ZNF483: variants seen among roughly 807,000 people sequenced by gnomAD.
ZNF483 encodes the protein zinc finger protein 483.
Under a neutral mutation model 28.6 loss-of-function variants are expected in ZNF483, and 9 were observed. The observed-to-expected ratio is 0.32, with a 90% CI of 0.19 to 0.55. The LOEUF is 0.55. Ranked by LOEUF, ZNF483 falls within the 20% of genes least tolerant of loss-of-function variation. ZNF483 has a pLI of 0.93. For synonymous variants in ZNF483, 322 were observed against 306.2 expected (o/e 1.05, Z -0.54); for missense variants, 675 against 871.7 (o/e 0.77, Z 2.84).
At chr9:111,560,972 TATAGAGAGAGAGAGAG>T (rs1484814679) in intron 5 of ZNF483, among the ~76,000 whole-genome samples, 1 of 21,320 alleles carries the variant, frequency 4.7e-5, no homozygotes, top group Non-Finnish European at 8.5e-5. Flanking sequence ...TATATATATA[TATAGAGAGAGAGAGAG>T]AGAGAGAGAG....
chr9:111,568,023 G>A (rs1190093985), intron 5 of ZNF483, among the ~76,000 whole-genome samples: 2 of 152,152 alleles, frequency 1.3e-5, no homozygotes, highest in Admixed American at 1.3e-4. Context: ...TGTGTTAACT[G>A]TACAAATTGA....
At position 111,554,554 on chromosome 9, in the gene ZNF483, G is replaced by A. The variant is rs1828065629; in HGVS notation, c.*11384G>A. On this transcript the variant is annotated 3_prime_UTR_variant, in exon 6 of 6. Coordinates refer to ENST00000309235, the MANE Select transcript of ZNF483 (RefSeq NM_133464.5). ...GCAACCTCAGATAGTACCAAACCCT[G>A]TATGTTCTATGTTTTGTCAGTCTGA... Among the ~76,000 whole-genome samples, 1 of 152,084 alleles carries A rather than the reference G, an allele frequency of 6.6e-6. No individual in the cohort carries two copies. Among genetic ancestry groups the A allele is most frequent in the African/African-American group, 2.4e-5 (1 of 41,408 alleles).
At chr9:111,574,734 C>G in intron 5 of ZNF483, 4 of 1,609,668 alleles carry the variant, frequency 2.5e-6, no homozygotes, top group Non-Finnish European at 3.4e-6. Flanking sequence ...TGCTCATTAC[C>G]TGGGGGAAGT....
rs1827715298 is a variant in ZNF483, at chr9:111,543,215, A to G, written c.*45A>G. The G allele has an allele frequency of 1.3e-6, 2 of 1,542,020 alleles. No homozygotes were observed. The highest frequency in any genetic ancestry group is 1.7e-6 in the Non-Finnish European group (2 of 1,148,188). ...TGGGGGGAATTTAATTCAAATTGTC[A>G]GTTACTGAAACCCTGGGATGTAAAC... is the stretch of plus-strand genomic sequence containing the variant. On this transcript the variant is annotated 3_prime_UTR_variant, in exon 6 of 6. Coordinates refer to ENST00000309235, the MANE Select transcript of ZNF483 (RefSeq NM_133464.5).
intron 2 of ZNF483, 145 bp downstream of exon 2, chr9:111,527,952 G>T: frequency 6.5e-7 from 1 of 1,538,888 alleles, no homozygotes; most frequent in Non-Finnish European, 8.8e-7. Flanking sequence ...GCCATTTACT[G>T]TGTGATTTTG....
At position 111,543,416 on chromosome 9, in the gene ZNF483, A is replaced by G; in HGVS notation, c.*246A>G. 1 of 1,243,182 alleles carries G rather than the reference A, an allele frequency of 8.0e-7. No individual in the cohort carries two copies. Among genetic ancestry groups the G allele is most frequent in the Non-Finnish European group, 1.0e-6 (1 of 990,958 alleles). 77.0% of individuals were successfully genotyped at this position (1,243,182 alleles called of 1,614,324 possible). On this transcript the variant is annotated 3_prime_UTR_variant, in exon 6 of 6. Coordinates refer to ENST00000309235, the MANE Select transcript of ZNF483 (RefSeq NM_133464.5). ...TGATTCTGAGGCCAGACGAATTGGA[A>G]AAGCTCTTTTCTTCAGGGGATTTCT... is the stretch of plus-strand genomic sequence containing the variant.
chr9:111,553,909 G>T lies in ZNF483; in HGVS notation c.*10739G>T, dbSNP rs1424355013. ...AGTTTATTCCCCAGGGGTCTTTCCA[G>T]CATTTTGTTGCTTTCCCATATTTTG... On this transcript the variant is annotated 3_prime_UTR_variant, in exon 6 of 6. Coordinates refer to ENST00000309235, the MANE Select transcript of ZNF483 (RefSeq NM_133464.5). Among the ~76,000 whole-genome samples the T allele has an allele frequency of 1.3e-5, 2 of 152,160 alleles. No individual in the cohort carries two copies. Among genetic ancestry groups the T allele is most frequent in the African/African-American group, 2.4e-5 (1 of 41,430 alleles).
At chr9:111,574,740 G>A (rs776282913) in intron 5 of ZNF483, 10 of 1,611,226 alleles carry the variant, frequency 6.2e-6, no homozygotes, top group Non-Finnish European at 8.5e-6. Flanking sequence ...TTACCTGGGG[G>A]AAGTGGGCCG....
downstream of ZNF483, among the ~76,000 whole-genome samples, chr9:111,556,266 C>T (rs1008424572): frequency 6.6e-6 from 1 of 152,224 alleles, no homozygotes; most frequent in Non-Finnish European, 1.5e-5. Flanking sequence ...GCACCTCTGC[C>T]CCTGTTACTC....
At chr9:111,574,439 C>T (rs756878019) in intron 5 of ZNF483, 12 of 174,222 alleles carry the variant, frequency 6.9e-5, no homozygotes, top group Admixed American at 1.9e-4. Context: ...AGCCTCGCCT[C>T]CCAGGCTCAA....
chr9:111,527,051 G>A (rs1245910128), intron 1 of ZNF483, among the ~76,000 whole-genome samples: 1 of 151,840 alleles, frequency 6.6e-6, no homozygotes, highest in Non-Finnish European at 1.5e-5. Context: ...GCAGTGAGCC[G>A]AGATCGCACC....
chr9:111,530,331 C>G (rs1030584278), intron 2 of ZNF483, among the ~76,000 whole-genome samples: 2 of 152,170 alleles, frequency 1.3e-5, no homozygotes, highest in African/African-American at 4.8e-5. Flanking sequence ...CTATGCAATG[C>G]CTCATCCATC....
intron 4 of ZNF483, 139 bp downstream of exon 4, chr9:111,534,004 G>C (rs889208513): frequency 3.0e-5 from 33 of 1,110,940 alleles, no homozygotes; most frequent in Non-Finnish European, 2.7e-5. Flanking sequence ...CCTAAAAACT[G>C]GTTCTGAAAA....
chr9:111,530,293 A>G (rs1827289192), intron 2 of ZNF483, among the ~76,000 whole-genome samples: 1 of 152,190 alleles, frequency 6.6e-6, no homozygotes, highest in Admixed American at 6.5e-5. Flanking sequence ...GTACCCAGAG[A>G]TGGCATGGAA....
At chr9:111,577,611 G>A (rs376519653) in exon 6 of ZNF483, 45 of 152,390 alleles carry the variant, frequency 3.0e-4, no homozygotes, top group African/African-American at 7.2e-4. Context: ...TTGGGAGGCC[G>A]AGTTGGGAGG....
rs1589276202 is a variant in ZNF483 at position 111,542,401 on chromosome 9, A to G, written c.1466A>G (p.His489Arg). 6 of 1,614,174 alleles carry G rather than the reference A, an allele frequency of 3.7e-6. No homozygotes were observed. The highest frequency in any genetic ancestry group is 5.1e-6 in the Non-Finnish European group (6 of 1,180,024). Residue 489 changes from histidine (H) to arginine (R), a missense_variant, in exon 6 of 6, where the codon CAT (histidine) becomes CGT (arginine). Transcript: ENST00000309235. The surrounding 1 kb of genome is among the most constrained non-coding windows in gnomAD (Gnocchi z 6.2). Reference protein sequence around the residue: ...SSSLTPHHRTHSGEKPFKCDD... With the variant: ...SSSLTPHHRTRSGEKPFKCDD... ...TCGCTCACACCACATCATAGAACTC[A>G]TAGTGGAGAGAAACCCTTCAAATGT...
Position 111,548,715 on chromosome 9 carries a change from G to A in ZNF483, c.*5545G>A, listed in dbSNP as rs956241450. ...ATCATTCCGTATGATGTTAGCTGTG[G>A]TCTTTTCATATTTGACCTTTATTAT... is the stretch of plus-strand genomic sequence containing the variant. On this transcript the variant is annotated 3_prime_UTR_variant, in exon 6 of 6. Transcript: ENST00000309235. Among the ~76,000 whole-genome samples, 7 of 151,886 alleles carry A rather than the reference G, an allele frequency of 4.6e-5. 1 individual carries two copies. Among genetic ancestry groups the A allele is most frequent in the Middle Eastern group, 6.8e-3 (2 of 292 alleles).
At chr9:111,539,662 C>G (rs1827620701) in intron 5 of ZNF483, 6 of 233,274 alleles carry the variant, frequency 2.6e-5, no homozygotes. Flanking sequence ...ACTTGGGAGG[C>G]TGAGGCAGGA....
At chr9:111,529,867 G>C (rs897389914) in intron 2 of ZNF483, among the ~76,000 whole-genome samples, 3 of 152,088 alleles carry the variant, frequency 2.0e-5, no homozygotes, top group Admixed American at 2.0e-4. Flanking sequence ...TAATTTCCTG[G>C]GTGATTAGAA....
Sources: allele counts gnomAD v4.1 joint callset (sites outside exome capture counted in the v4.1 genomes callset), GRCh38; gene constraint gnomAD v4.1.1; non-coding constraint Gnocchi (gnomAD v3.1); transcripts MANE v1.5; gene names NCBI Gene and HGNC (gene_info 2026-07-23, HGNC 2026-07-21).